CDC73: variants seen among roughly 807,000 people sequenced by gnomAD.
The protein encoded by CDC73 is cell division cycle 73.
A neutral mutation model predicts 83.7 loss-of-function variants in CDC73; 21 were observed. The ratio of observed to expected loss-of-function variants is 0.25; its 90% confidence interval spans 0.18 to 0.36. The LOEUF (loss-of-function observed/expected upper bound fraction) is 0.36. CDC73 is among the 10% of genes least tolerant of loss of function. The probability of loss-of-function intolerance (pLI) is 1.00; values close to 1 mark genes in which losing one functional copy is unlikely to be tolerated. For synonymous variants in CDC73, 224 were observed against 212.9 expected (o/e 1.05, Z -0.45); for missense variants, 342 against 653.3 (o/e 0.52, Z 5.19).
intron 3 of CDC73, among the ~76,000 whole-genome samples, chr1:193,134,344 C>A (rs12141029): frequency 6.6e-6 from 1 of 151,874 alleles, no homozygotes; most frequent in South Asian, 2.1e-4. Flanking sequence ...TGTAGTTAGG[C>A]CATACAGTAG....
chr1:193,164,537 G>A (rs905976927), intron 10 of CDC73, among the ~76,000 whole-genome samples: 2 of 152,086 alleles, frequency 1.3e-5, no homozygotes, highest in African/African-American at 4.8e-5. Flanking sequence ...CATGTTCTCT[G>A]TGTAAAGCTA....
At position 193,122,099 on chromosome 1, in the gene CDC73, G is replaced by T; in HGVS notation, c.-102G>T. 1 of 1,169,622 alleles carries T rather than the reference G, an allele frequency of 8.5e-7. No homozygotes were observed. 72.5% of individuals were successfully genotyped at this position (1,169,622 alleles called of 1,614,324 possible). On this transcript the variant is annotated 5_prime_UTR_variant, in exon 1 of 17. Coordinates refer to ENST00000367435, the MANE Select transcript of CDC73 (RefSeq NM_024529.5). ...GCTGCTGCTGTTGGTTCGTCGCGGCGGCGAAGGAGGAGGAGGAAGAGGGCG... is the reference window on the plus strand; with the variant it reads ...GCTGCTGCTGTTGGTTCGTCGCGGCTGCGAAGGAGGAGGAGGAAGAGGGCG...
Position 193,212,473 on chromosome 1 carries a change from C to T in CDC73, c.1150C>T (p.Leu384=), listed in dbSNP as rs377215814. Residue 384 remains leucine (L), a synonymous_variant, in exon 13 of 17, where the codon CTG becomes TTG. Coordinates refer to ENST00000367435, the MANE Select transcript of CDC73 (RefSeq NM_024529.5). ...MLNAKDLLQD[L]KFVPSDEKKK... Reference sequence around the variant, plus strand: ...TAATGCAAAAGACCTTCTACAGGACCTGAAGTAAGTAATTTATTAAACTAT... The same window carrying T: ...TAATGCAAAAGACCTTCTACAGGACTTGAAGTAAGTAATTTATTAAACTAT... 9.0e-6 allele frequency: 14 copies of T among 1,552,526 alleles called. No individual in the cohort carries two copies. The African/African-American group carries it at 1.2e-4, about 14-fold the overall frequency.
At chr1:193,140,103 C>T (rs187800244) in intron 6 of CDC73, among the ~76,000 whole-genome samples, 1 of 152,304 alleles carries the variant, frequency 6.6e-6, no homozygotes, top group African/African-American at 2.4e-5. Context: ...AGAATCCGCT[C>T]AGCTCTACAT....
At chr1:193,129,909 AT>A (rs1423473204) in intron 2 of CDC73, among the ~76,000 whole-genome samples, 2 of 152,182 alleles carry the variant, frequency 1.3e-5, no homozygotes, top group African/African-American at 2.4e-5. Flanking sequence ...TTTAAAATAT[AT>A]TGTATCAAGA....
intron 3 of CDC73, among the ~76,000 whole-genome samples, chr1:193,135,082 A>G (rs1675767546): frequency 6.6e-6 from 1 of 152,108 alleles, no homozygotes; most frequent in African/African-American, 2.4e-5. Flanking sequence ...TTATGTGTTT[A>G]CTTACACCTT....
rs1572142551 is a variant in CDC73 at position 193,125,138 on chromosome 1, A to G, written c.158A>G (p.Glu53Gly). Residue 53 changes from glutamate (E) to glycine (G), a missense_variant, in exon 2 of 17, where the codon GAG becomes GGG. Around this residue, in one of 3 missense-constraint regions of CDC73, gnomAD observed 99 missense variants for 174.5 expected, o/e 0.57. Transcript: ENST00000367435. The part of the protein sequence containing the change: ...WGTGKEGQPR[E>G]YYTLDSILFL... ...ACTGGAAAGGAAGGCCAACCCAGAG[A>G]GTACTACACATTGGATTCCATTTTA... The G allele has an allele frequency of 6.2e-7, 1 of 1,606,152 alleles. No individual in the cohort carries two copies.
intron 10 of CDC73, among the ~76,000 whole-genome samples, chr1:193,157,728 T>C (rs1676231625): frequency 6.6e-6 from 1 of 152,222 alleles, no homozygotes; most frequent in Non-Finnish European, 1.5e-5. Context: ...AAATCCCTGC[T>C]CTAGAGGCAG....
chr1:193,154,591 C>G (rs1022498462), intron 10 of CDC73, among the ~76,000 whole-genome samples: 1 of 152,100 alleles, frequency 6.6e-6, no homozygotes, highest in Non-Finnish European at 1.5e-5. Context: ...AGGAATGCAA[C>G]AGAAAGACTA....
intron 3 of CDC73, among the ~76,000 whole-genome samples, chr1:193,134,506 TA>T (rs1675754232): frequency 6.6e-6 from 1 of 152,022 alleles, no homozygotes; most frequent in Non-Finnish European, 1.5e-5. Flanking sequence ...CCGTCTCTAC[TA>T]AAAATACAAA....
intron 10 of CDC73, among the ~76,000 whole-genome samples, chr1:193,198,984 T>G (rs1250566564): frequency 1.3e-5 from 2 of 152,222 alleles, no homozygotes; most frequent in Non-Finnish European, 2.9e-5. Context: ...GGAGAGAGTT[T>G]CTGGGCTTAG....
chr1:193,181,394 C>T, intron 10 of CDC73: 1 of 1,614,002 alleles, frequency 6.2e-7, no homozygotes, highest in East Asian at 2.2e-5. Context: ...ACAGGGTTTT[C>T]TTTGAATCCA....
intron 13 of CDC73, among the ~76,000 whole-genome samples, chr1:193,217,175 C>T (rs917881767): frequency 6.6e-6 from 1 of 152,130 alleles, no homozygotes; most frequent in Admixed American, 6.5e-5. Flanking sequence ...GGGGAGCACA[C>T]CGACGGGCAG....
intron 15 of CDC73, among the ~76,000 whole-genome samples, chr1:193,249,186 T>G (rs1286474041): frequency 6.6e-6 from 1 of 151,960 alleles, no homozygotes; most frequent in Non-Finnish European, 1.5e-5. Flanking sequence ...CCATCAACAT[T>G]GAGGCATAAT....
intron 9 of CDC73, among the ~76,000 whole-genome samples, chr1:193,151,019 A>G (rs1272940520): frequency 6.6e-6 from 1 of 152,212 alleles, no homozygotes; most frequent in Non-Finnish European, 1.5e-5. Flanking sequence ...ACTTGGAAAC[A>G]AATTTTGAGC....
intron 2 of CDC73, among the ~76,000 whole-genome samples, chr1:193,126,185 T>A (rs554786041): frequency 6.6e-6 from 1 of 152,252 alleles, no homozygotes; most frequent in African/African-American, 2.4e-5. Flanking sequence ...ACTTCAGAAC[T>A]CTAGTTTAAT....
intron 3 of CDC73, among the ~76,000 whole-genome samples, 200 bp downstream of exon 3, chr1:193,130,443 G>A (rs1181960411): frequency 6.6e-6 from 1 of 152,188 alleles, no homozygotes; most frequent in East Asian, 1.9e-4. Context: ...TTCCTTGTGT[G>A]TGGATTCCAT....
At chr1:193,171,174 A>G (rs1443927942) in intron 10 of CDC73, among the ~76,000 whole-genome samples, 1 of 152,216 alleles carries the variant, frequency 6.6e-6, no homozygotes, top group African/African-American at 2.4e-5. Context: ...CAGGGTATCA[A>G]TCTGTCTAGG....
At chr1:193,137,257 G>A (rs957959519) in intron 5 of CDC73, among the ~76,000 whole-genome samples, 13 of 152,314 alleles carry the variant, frequency 8.5e-5, no homozygotes, top group African/African-American at 3.1e-4. Flanking sequence ...ATTTATTTCA[G>A]CTGATTTATT....
Sources: allele counts gnomAD v4.1 joint callset (sites outside exome capture counted in the v4.1 genomes callset), GRCh38; gene constraint gnomAD v4.1.1; regional missense constraint gnomAD v4.1.1; transcripts MANE v1.5; gene names NCBI Gene and HGNC (gene_info 2026-07-23, HGNC 2026-07-21).